Variants in TAF3 observed in about 807,000 individuals in gnomAD.
TAF3 encodes TATA-box binding protein associated factor 3.
In TAF3, 7 loss-of-function variants were observed where a neutral mutation model predicts 80.6. That is an observed-to-expected ratio of 0.09 (90% confidence interval 0.05 to 0.16). The LOEUF (loss-of-function observed/expected upper bound fraction) is 0.16. Ranked by LOEUF, TAF3 falls within the 10% of genes least tolerant of loss-of-function variation. The pLI, the probability that TAF3 is intolerant of heterozygous loss-of-function variation, is 1.00. For missense variants in TAF3, 921 were observed against 1,140.2 expected (o/e 0.81, Z 2.77); for synonymous variants, 444 against 446.1 (o/e 1.00, Z 0.06).
chr10:7,848,097 A>G (rs1462397157), intron 2 of TAF3, among the ~76,000 whole-genome samples: 2 of 152,200 alleles, frequency 1.3e-5, no homozygotes, highest in Non-Finnish European at 2.9e-5. Context: ...TGTTTTCACT[A>G]TCTTTTTATT....
chr10:7,913,869 C>T (rs1408395671), intron 2 of TAF3, among the ~76,000 whole-genome samples: 2 of 152,112 alleles, frequency 1.3e-5, no homozygotes, highest in African/African-American at 4.8e-5. Flanking sequence ...GGAAACACAG[C>T]AGATAGAGAT....
At chr10:7,966,072 T>G (rs1423304413) in intron 3 of TAF3, among the ~76,000 whole-genome samples, 1 of 152,218 alleles carries the variant, frequency 6.6e-6, no homozygotes, top group Non-Finnish European at 1.5e-5. Flanking sequence ...TTATGTGAAT[T>G]ATCAAGTGTA....
chr10:7,910,188 A>G (rs1837644631), intron 2 of TAF3, among the ~76,000 whole-genome samples: 2 of 152,204 alleles, frequency 1.3e-5, no homozygotes, highest in South Asian at 4.1e-4. Flanking sequence ...GAACTCTTAG[A>G]GTTCCTCAGT....
At chr10:8,006,258 C>A (rs1022615869) in intron 4 of TAF3, among the ~76,000 whole-genome samples, 2 of 151,218 alleles carry the variant, frequency 1.3e-5, no homozygotes, top group South Asian at 2.1e-4. Context: ...TGCCTGTAAT[C>A]CCAGCTACTT....
At chr10:7,871,434 G>GTTTTTTTTTTTTTTTTTTTTT (rs1837263649) in intron 2 of TAF3, among the ~76,000 whole-genome samples, 1 of 64,770 alleles carries the variant, frequency 1.5e-5, no homozygotes. Context: ...AATAACTGCT[G>GTTTTTTTTTTTTTTTTTTTTT]CTTTTTTTTT....
intron 2 of TAF3, among the ~76,000 whole-genome samples, chr10:7,870,852 G>T (rs76715011): frequency 0.011 from 1,664 of 152,110 alleles, 20 homozygotes; most frequent in Middle Eastern, 0.031. Context: ...GATGCTAAAA[G>T]AATGTATTCT....
In TAF3 at chr10:8,009,650, T is replaced by C. The variant is rs1337245313; in HGVS notation, c.2568+320T>C. On this transcript the variant is annotated intron_variant, in intron 5 of 6. Coordinates refer to ENST00000344293, the MANE Select transcript of TAF3 (RefSeq NM_031923.4). The surrounding 1 kb of genome is among the most constrained non-coding windows in gnomAD (Gnocchi z 4.1). The stretch of plus-strand genomic sequence containing the variant: ...TCTTTTTTTTTTTTGAGACAGAGTT[T>C]CGCTCTTATTGCCCAACCTGGAATG... Among the ~76,000 whole-genome samples, 1 of 151,772 alleles carries C rather than the reference T, an allele frequency of 6.6e-6. No homozygotes were observed. The highest frequency in any genetic ancestry group is 2.4e-5 in the African/African-American group (1 of 41,316).
Position 7,890,820 on chromosome 10 carries a change from A to G in TAF3, c.409+66260A>G, listed in dbSNP as rs77325215. Reference sequence around the variant, plus strand: ...CATTTTTTTCCCAAGTGATTAGTCTATATCAACTCTTTCCAAAGCTTTCGA... The same window carrying G: ...CATTTTTTTCCCAAGTGATTAGTCTGTATCAACTCTTTCCAAAGCTTTCGA... On this transcript the variant is annotated intron_variant, in intron 2 of 6. Transcript: ENST00000344293. Among the ~76,000 whole-genome samples, 1,350 of 152,350 alleles carry G rather than the reference A, an allele frequency of 8.9e-3. 74 individuals carry two copies. The highest frequency in any genetic ancestry group is 0.075 in the Admixed American group (1,151 of 15,304).
rs1289880328 is a variant in TAF3, at chr10:8,015,553, T to A, written c.*802T>A. ...AAATATTTATGAAGTAGTTATTTTTTAAATTTTTATCGTGTTTAATTCTGG... is the reference window on the plus strand; with the variant it reads ...AAATATTTATGAAGTAGTTATTTTTAAAATTTTTATCGTGTTTAATTCTGG... On this transcript the variant is annotated 3_prime_UTR_variant, in exon 7 of 7. Coordinates refer to ENST00000344293, the MANE Select transcript of TAF3 (RefSeq NM_031923.4). 3 of 152,204 alleles carry A rather than the reference T, an allele frequency of 2.0e-5. No individual in the cohort carries two copies. Among genetic ancestry groups the A allele is most frequent in the African/African-American group, 4.8e-5 (2 of 41,460 alleles). 9.4% of individuals were successfully genotyped at this position (152,204 alleles called of 1,614,324 possible). A position where few individuals can be genotyped will look rare whatever the true frequency, so the allele number is the denominator to read the frequency against.
intron 2 of TAF3, among the ~76,000 whole-genome samples, chr10:7,914,932 CTTTTTTTTTTT>C (rs869094036): frequency 1.2e-5 from 1 of 84,968 alleles, no homozygotes; most frequent in African/African-American, 5.5e-5. Flanking sequence ...TGCTCCCAGC[CTTTTTTTTTTT>C]TTTTTTTTTT....
intron 3 of TAF3, among the ~76,000 whole-genome samples, chr10:7,973,639 T>C (rs557174030): frequency 6.6e-6 from 1 of 152,336 alleles, no homozygotes; most frequent in South Asian, 2.1e-4. Context: ...TTTAAAAACC[T>C]TAATGAGCAC....
At chr10:7,893,516 TA>T (rs1222396995) in intron 2 of TAF3, among the ~76,000 whole-genome samples, 1 of 152,216 alleles carries the variant, frequency 6.6e-6, no homozygotes, top group Non-Finnish European at 1.5e-5. Flanking sequence ...CAAACATTCA[TA>T]TCCTCAGGTA....
In TAF3 at chr10:7,824,361, C is replaced by G. The variant is rs1836720800; in HGVS notation, c.210C>G (p.Phe70Leu). 6.2e-7 allele frequency: 1 copy of G among 1,613,912 alleles called. No homozygotes were observed. Among genetic ancestry groups the G allele is most frequent in the African/African-American group, 1.3e-5 (1 of 74,898 alleles). The change falls in exon 2 of 7, where the codon TTC (phenylalanine) becomes TTG (leucine). Residue 70 changes from phenylalanine to leucine, a missense_variant. Around this residue, in one of 6 missense-constraint regions of TAF3, gnomAD observed 106 missense variants for 191.8 expected, o/e 0.55. Coordinates refer to ENST00000344293, the MANE Select transcript of TAF3 (RefSeq NM_031923.4). ...DPILDDVGEAFQLMGVSLHEL... is the reference protein window; with the variant it reads ...DPILDDVGEALQLMGVSLHEL... Reference sequence around the variant, plus strand: ...TTTTGGATGATGTTGGTGAAGCTTTCCAGCTGATGGGGGTTAGTCTACATG... The same window carrying G: ...TTTTGGATGATGTTGGTGAAGCTTTGCAGCTGATGGGGGTTAGTCTACATG...
At chr10:7,928,481 A>C (rs941169471) in intron 2 of TAF3, among the ~76,000 whole-genome samples, 1 of 152,176 alleles carries the variant, frequency 6.6e-6, no homozygotes, top group Non-Finnish European at 1.5e-5. Context: ...ATTGTGTCAT[A>C]GTTTTTATGA....
At chr10:7,963,044 G>T (rs1831526151) in intron 2 of TAF3, among the ~76,000 whole-genome samples, 1 of 152,142 alleles carries the variant, frequency 6.6e-6, no homozygotes, top group Non-Finnish European at 1.5e-5. Context: ...GCTCTCTAGT[G>T]CCGTAACTCT....
At chr10:7,822,644 C>T (rs963399797) in intron 1 of TAF3, among the ~76,000 whole-genome samples, 11 of 152,080 alleles carry the variant, frequency 7.2e-5, no homozygotes, top group African/African-American at 2.7e-4. Flanking sequence ...ACTACACATG[C>T]GTCCAATTCT....
intron 2 of TAF3, among the ~76,000 whole-genome samples, chr10:7,848,506 C>T (rs1836995434): frequency 6.6e-6 from 1 of 152,184 alleles, no homozygotes; most frequent in Non-Finnish European, 1.5e-5. Flanking sequence ...GAGCCCATCT[C>T]AGCAGGCACC....
At chr10:7,977,869 G>A (rs929665876) in intron 4 of TAF3, among the ~76,000 whole-genome samples, 3 of 151,956 alleles carry the variant, frequency 2.0e-5, no homozygotes, top group Non-Finnish European at 4.4e-5. Context: ...CAAACCCCAC[G>A]TTTGCTGTTT....
Position 7,965,542 on chromosome 10 carries a change from C to A in TAF3, c.2032C>A (p.Leu678Met). The A allele has an allele frequency of 6.2e-7, 1 of 1,601,346 alleles. No individual in the cohort carries two copies. Among genetic ancestry groups the A allele is most frequent in the East Asian group, 2.2e-5 (1 of 44,734 alleles). The change falls in exon 3 of 7, where the codon CTG becomes ATG. Residue 678 changes from leucine (L) to methionine (M), a missense_variant. By Grantham distance (15) the Leu-to-Met change is conservative. This residue lies in a region of TAF3 where 743 missense variants were observed against 821.0 expected (regional missense o/e 0.90). Transcript: ENST00000344293. Reference protein sequence around the residue: ...PATASRVPAMLPSLLPVLPEK... With the variant: ...PATASRVPAMMPSLLPVLPEK... ...CACAGCCTCCAGGGTCCCAGCCATG[C>A]TGCCATCTTTGTTGCCAGTGCTTCC...
Sources: allele counts gnomAD v4.1 joint callset (sites outside exome capture counted in the v4.1 genomes callset), GRCh38; gene constraint gnomAD v4.1.1; regional missense constraint gnomAD v4.1.1; non-coding constraint Gnocchi (gnomAD v3.1); transcripts MANE v1.5; gene names NCBI Gene and HGNC (gene_info 2026-07-23, HGNC 2026-07-21).